The following C1QTNF7 variants were observed in gnomAD, a reference collection of about 807,000 sequenced individuals.
C1QTNF7 encodes complement C1q tumor necrosis factor-related protein 7.
Under a neutral mutation model 19.6 loss-of-function variants are expected in C1QTNF7, and 15 were observed. That is an observed-to-expected ratio of 0.76 (90% confidence interval 0.51 to 1.18). The LOEUF (loss-of-function observed/expected upper bound fraction) is 1.18. C1QTNF7 is among the 50% of genes most tolerant of loss of function. The pLI is 0.00. For synonymous variants in C1QTNF7, 142 were observed against 137.5 expected, an observed-to-expected ratio of 1.03 and a Z score of -0.23; for missense variants, 324 against 359.7, an observed-to-expected ratio of 0.90 and a Z score of 0.80.
chr4:15,348,087 G>A (rs1323614177), intron 1 of C1QTNF7, among the ~76,000 whole-genome samples: 1 of 152,142 alleles, frequency 6.6e-6, no homozygotes, highest in Non-Finnish European at 1.5e-5. Flanking sequence ...GTTACTTTAG[G>A]AGCCCGATGT....
chr4:15,340,574 C>A (rs1168041720), intron 1 of C1QTNF7, among the ~76,000 whole-genome samples: 1 of 152,140 alleles, frequency 6.6e-6, no homozygotes, highest in South Asian at 2.1e-4. Context: ...CCCTTATATG[C>A]AACTCAACTT....
intron 1 of C1QTNF7, among the ~76,000 whole-genome samples, chr4:15,370,863 A>G (rs1252047772): frequency 6.6e-6 from 1 of 152,208 alleles, no homozygotes; most frequent in African/African-American, 2.4e-5. Context: ...ATAGATAATA[A>G]TGGAAACACT....
At chr4:15,379,161 A>T (rs569659041) in intron 1 of C1QTNF7, among the ~76,000 whole-genome samples, 27 of 152,334 alleles carry the variant, frequency 1.8e-4, no homozygotes, top group African/African-American at 6.3e-4. Context: ...CATTTTTTTA[A>T]TATAATTTTT....
chr4:15,388,788 G>A (rs1718442331), intron 1 of C1QTNF7, among the ~76,000 whole-genome samples: 1 of 152,202 alleles, frequency 6.6e-6, no homozygotes, highest in Non-Finnish European at 1.5e-5. Flanking sequence ...GTTGGAGAAA[G>A]TGACAGGGGA....
At chr4:15,411,875 A>G (rs1719414831) in intron 1 of C1QTNF7, among the ~76,000 whole-genome samples, 1 of 152,082 alleles carries the variant, frequency 6.6e-6, no homozygotes, top group Non-Finnish European at 1.5e-5. Context: ...AGGAGTCCCC[A>G]GTCCCTGAAC....
Position 15,442,350 on chromosome 4 carries a change from TGTGGAAGCATC to T in C1QTNF7, c.425_435del (p.Gly142AlafsTer23). ...CCCGGGGCTGCCTGGAGTTTGCAGA[TGTGGAAGCATC>T]GTGCTCAAATCCGCCTTTTCTGTTG... On this transcript the variant is annotated frameshift_variant, in exon 3 of 3. Coordinates refer to ENST00000444304, the MANE Select transcript of C1QTNF7 (RefSeq NM_031911.5). LOFTEE classifies it high-confidence loss of function. 6.2e-7 allele frequency: 1 copy of T among 1,614,150 alleles called. No individual in the cohort carries two copies. The highest frequency in any genetic ancestry group is 8.5e-7 in the Non-Finnish European group (1 of 1,180,018).
intron 1 of C1QTNF7, among the ~76,000 whole-genome samples, chr4:15,386,685 A>T (rs145930743): frequency 6.6e-6 from 1 of 152,260 alleles, no homozygotes; most frequent in Non-Finnish European, 1.5e-5. Flanking sequence ...GATGCTATAG[A>T]TGGGTATAGG....
exon 1 of C1QTNF7, chr4:15,340,087 C>T (rs1351852401): frequency 4.6e-6 from 6 of 1,291,964 alleles, no homozygotes; most frequent in South Asian, 1.3e-5. Flanking sequence ...GGAGTAGCTT[C>T]GAATAATAAA....
At chr4:15,399,825 G>T (rs1718920862) in intron 1 of C1QTNF7, among the ~76,000 whole-genome samples, 1 of 152,236 alleles carries the variant, frequency 6.6e-6, no homozygotes, top group African/African-American at 2.4e-5. Context: ...GTGCTTTCAA[G>T]TAGTATATAC....
At chr4:15,425,082 C>G (rs1711975573), upstream of C1QTNF7, among the ~76,000 whole-genome samples, 1 of 151,936 alleles carries the variant, frequency 6.6e-6, no homozygotes, top group African/African-American at 2.4e-5. Context: ...CAGGATGAGA[C>G]ACAAAGAAGA....
chr4:15,361,875 C>T (rs1321406181), intron 1 of C1QTNF7, among the ~76,000 whole-genome samples: 1 of 152,128 alleles, frequency 6.6e-6, no homozygotes, highest in African/African-American at 2.4e-5. Flanking sequence ...CAGCCTTCTT[C>T]CACCAAGAAA....
rs1712825451 is a variant in C1QTNF7, at chr4:15,442,667, G to T, written c.738G>T (p.Trp246Cys). 1 of 1,614,060 alleles carries T rather than the reference G, an allele frequency of 6.2e-7. No homozygotes were observed. Among genetic ancestry groups the T allele is most frequent in the Non-Finnish European group, 8.5e-7 (1 of 1,180,048 alleles). Reference protein sequence around the residue: ...VIYLQPEDEVWLEIFFTDQNG... With the variant: ...VIYLQPEDEVCLEIFFTDQNG... ...ATCTGCAGCCAGAAGATGAAGTCTG[G>T]CTGGAGATTTTCTTCACAGACCAGA... is the stretch of plus-strand genomic sequence containing the variant. The change falls in exon 3 of 3, where the codon TGG becomes TGT. Residue 246 changes from tryptophan to cysteine, a missense_variant. Coordinates refer to ENST00000444304, the MANE Select transcript of C1QTNF7 (RefSeq NM_031911.5).
intron 1 of C1QTNF7, among the ~76,000 whole-genome samples, chr4:15,415,695 G>A (rs1218020968): frequency 6.6e-6 from 1 of 151,532 alleles, no homozygotes; most frequent in Non-Finnish European, 1.5e-5. Flanking sequence ...GAGCTCAAGC[G>A]ATCCTCCCAC....
At chr4:15,361,189 T>G (rs147324678) in intron 1 of C1QTNF7, 3 of 152,268 alleles carry the variant, frequency 2.0e-5, no homozygotes, top group Admixed American at 1.3e-4. Flanking sequence ...TCTAATATTC[T>G]TCAGAAGCAC....
At chr4:15,377,488 A>G (rs1418154483) in intron 1 of C1QTNF7, among the ~76,000 whole-genome samples, 1 of 152,202 alleles carries the variant, frequency 6.6e-6, no homozygotes, top group Admixed American at 6.5e-5. Flanking sequence ...AAGCTATAAT[A>G]TCTATGAGAA....
intron 1 of C1QTNF7, among the ~76,000 whole-genome samples, chr4:15,431,192 A>G (rs910216781): frequency 2.6e-5 from 4 of 152,226 alleles, no homozygotes; most frequent in Non-Finnish European, 4.4e-5. Flanking sequence ...TTACAAACAC[A>G]TCTATATGAT....
At position 15,433,066 on chromosome 4, in the gene C1QTNF7, G is replaced by A. The variant is rs576181922; in HGVS notation, c.-8-2670G>A. Among the ~76,000 whole-genome samples, 6 of 152,248 alleles carry A rather than the reference G, an allele frequency of 3.9e-5. No homozygotes were observed. The East Asian group carries it at 1.2e-3, about 29-fold the overall frequency. The stretch of plus-strand genomic sequence containing the variant: ...GCATCACCATGTCTGAGAAGCCACT[G>A]TCCAAATCAACTTCTCTGCAGTTGC... On this transcript the variant is annotated intron_variant, in intron 1 of 2. Transcript: ENST00000444304.
At chr4:15,386,127 G>A (rs1436772754) in intron 1 of C1QTNF7, among the ~76,000 whole-genome samples, 1 of 152,164 alleles carries the variant, frequency 6.6e-6, no homozygotes, top group Non-Finnish European at 1.5e-5. Context: ...AGAGAGCAGG[G>A]AGGATGTCCG....
intron 1 of C1QTNF7, among the ~76,000 whole-genome samples, chr4:15,375,975 G>A (rs1374485076): frequency 1.3e-5 from 2 of 152,184 alleles, no homozygotes; most frequent in African/African-American, 4.8e-5. Context: ...AGAGTCGAAA[G>A]GCTCTAGGTT....
Sources: gnomAD v4.1 joint callset for allele counts (sites outside exome capture counted in the v4.1 genomes callset) on GRCh38, gnomAD v4.1.1 for gene constraint, MANE v1.5 for transcripts, NCBI Gene and HGNC (gene_info 2026-07-23, HGNC 2026-07-21) for gene names.